The following MGAT5 variants were observed in gnomAD, a reference collection of about 807,000 sequenced individuals.
MGAT5 encodes the protein alpha-1,6-mannosylglycoprotein 6-beta-N-acetylglucosaminyltransferase A.
MGAT5 carries 30 observed loss-of-function variants against 94.3 expected under a neutral mutation model. That is an observed-to-expected ratio of 0.32 (90% CI 0.24 to 0.43). The LOEUF is 0.43. Ranked by LOEUF, MGAT5 falls within the 20% of genes least tolerant of loss-of-function variation. The pLI, the probability that MGAT5 is intolerant of heterozygous loss-of-function variation, is 1.00. For synonymous variants in MGAT5, 310 were observed against 322.9 expected (o/e 0.96, Z 0.43); for missense variants, 691 against 905.5 (o/e 0.76, Z 3.04).
At chr2:134,412,478 T>A (rs534989487) in intron 11 of MGAT5, among the ~76,000 whole-genome samples, 1 of 152,192 alleles carries the variant, frequency 6.6e-6, no homozygotes, top group African/African-American at 2.4e-5. Context: ...ACCTTCTGTG[T>A]AGTTAAGCAA....
intron 1 of MGAT5, among the ~76,000 whole-genome samples, chr2:134,142,063 C>T (rs1037719334): frequency 2.0e-5 from 3 of 152,066 alleles, no homozygotes; most frequent in African/African-American, 7.2e-5. Context: ...TGAAGTGGAG[C>T]GAGTGAGGAG....
At chr2:134,436,297 G>A (rs1394312736) in intron 14 of MGAT5, among the ~76,000 whole-genome samples, 1 of 152,180 alleles carries the variant, frequency 6.6e-6, no homozygotes, top group African/African-American at 2.4e-5. Context: ...CCTCTGTTCA[G>A]TGTGATCATC....
chr2:134,414,961 C>G (rs533462889), intron 12 of MGAT5, among the ~76,000 whole-genome samples: 1 of 152,154 alleles, frequency 6.6e-6, no homozygotes, highest in African/African-American at 2.4e-5. Flanking sequence ...ATGGGATTTC[C>G]TTCTTTTGCA....
At chr2:134,164,131 A>G (rs1401618201) in intron 1 of MGAT5, among the ~76,000 whole-genome samples, 3 of 152,186 alleles carry the variant, frequency 2.0e-5, no homozygotes, top group Non-Finnish European at 4.4e-5. Context: ...ATTGTATTCT[A>G]GGGTCCTTCC....
intron 6 of MGAT5, among the ~76,000 whole-genome samples, chr2:134,339,742 CAAAAACT>C (rs2105996151): frequency 6.6e-6 from 1 of 152,060 alleles, no homozygotes; most frequent in Non-Finnish European, 1.5e-5. Flanking sequence ...ATGTTATTAC[CAAAAACT>C]AAAAATTAAA....
chr2:134,184,389 C>A (rs1688895042), intron 1 of MGAT5, among the ~76,000 whole-genome samples: 1 of 152,144 alleles, frequency 6.6e-6, no homozygotes, highest in South Asian at 2.1e-4. Flanking sequence ...GGAAGGGTAC[C>A]CTTGAGTGTG....
chr2:134,403,278 A>G, intron 11 of MGAT5, 141 bp downstream of exon 11: 1 of 755,324 alleles, frequency 1.3e-6, no homozygotes, highest in Non-Finnish European at 2.0e-6. Flanking sequence ...GACCAATGGC[A>G]GCTGAAAAGT....
chr2:134,238,490 T>C (rs1195068526), intron 1 of MGAT5, among the ~76,000 whole-genome samples: 3 of 152,218 alleles, frequency 2.0e-5, no homozygotes, highest in Admixed American at 6.5e-5. Flanking sequence ...TTTCCCCATC[T>C]CATCATGTCT....
intron 9 of MGAT5, among the ~76,000 whole-genome samples, chr2:134,350,148 G>A (rs1450613776): frequency 6.6e-6 from 1 of 151,794 alleles, no homozygotes; most frequent in Non-Finnish European, 1.5e-5. Flanking sequence ...TTTTTGAAAA[G>A]CCTTGAAAAT....
intron 10 of MGAT5, among the ~76,000 whole-genome samples, chr2:134,368,454 A>G (rs576247503): frequency 9.8e-5 from 15 of 152,336 alleles, no homozygotes; most frequent in African/African-American, 3.6e-4. Context: ...CTGAATTTGA[A>G]AAGTTCCTTT....
At chr2:134,444,742 T>G (rs1685677304) in intron 15 of MGAT5, among the ~76,000 whole-genome samples, 1 of 152,238 alleles carries the variant, frequency 6.6e-6, no homozygotes, top group Non-Finnish European at 1.5e-5. Context: ...TAGTATGACT[T>G]TAGTATATCA....
intron 8 of MGAT5, among the ~76,000 whole-genome samples, chr2:134,347,246 A>G (rs1208044636): frequency 6.6e-6 from 1 of 152,196 alleles, no homozygotes; most frequent in Non-Finnish European, 1.5e-5. Flanking sequence ...AATTAAACCT[A>G]GATAAGCTAG....
At chr2:134,238,331 G>A (rs903209089) in intron 1 of MGAT5, among the ~76,000 whole-genome samples, 3 of 152,136 alleles carry the variant, frequency 2.0e-5, no homozygotes, top group Non-Finnish European at 2.9e-5. Context: ...TAAGGATCAC[G>A]GTCCATAATT....
intron 14 of MGAT5, among the ~76,000 whole-genome samples, chr2:134,441,405 A>G (rs1481298426): frequency 1.3e-5 from 2 of 152,250 alleles, no homozygotes; most frequent in Admixed American, 6.5e-5. Flanking sequence ...GAGGCTCTAA[A>G]TAGCCTGGCT....
In MGAT5 at chr2:134,450,908, G is replaced by A. The variant is rs1266452161; in HGVS notation, c.*2061G>A. 1 of 152,072 alleles carries A rather than the reference G, an allele frequency of 6.6e-6. No individual in the cohort carries two copies. The highest frequency in any genetic ancestry group is 6.6e-5 in the Admixed American group (1 of 15,254). The allele number at this position is 152,072 out of a possible 1,614,324, so 9.4% of individuals were successfully genotyped here. Reference sequence around the variant, plus strand: ...CAGATGACTGGCATCCTTGCTGTAAGGAAGAGCTTTTTCCTTGTGAATGGG... The same window carrying A: ...CAGATGACTGGCATCCTTGCTGTAAAGAAGAGCTTTTTCCTTGTGAATGGG... On this transcript the variant is annotated 3_prime_UTR_variant, in exon 16 of 16. Transcript: ENST00000281923.
intron 1 of MGAT5, among the ~76,000 whole-genome samples, chr2:134,179,460 A>C (rs1688632541): frequency 6.6e-6 from 1 of 152,212 alleles, no homozygotes; most frequent in Admixed American, 6.5e-5. Context: ...GCGGGTACCC[A>C]ACCCTGTATC....
intron 1 of MGAT5, among the ~76,000 whole-genome samples, chr2:134,176,153 G>C (rs878900903): frequency 1.3e-5 from 2 of 152,138 alleles, no homozygotes; most frequent in Admixed American, 6.5e-5. Flanking sequence ...GCTGAAGGGG[G>C]TTGCTGGGCC....
chr2:134,247,697 C>T (rs1193641133), intron 1 of MGAT5, among the ~76,000 whole-genome samples: 2 of 152,174 alleles, frequency 1.3e-5, no homozygotes, highest in Non-Finnish European at 2.9e-5. Flanking sequence ...GTTGCTCACC[C>T]CTACTCCTGT....
chr2:134,316,635 T>TA (rs1225996223), intron 2 of MGAT5, among the ~76,000 whole-genome samples: 8 of 152,196 alleles, frequency 5.3e-5, no homozygotes, highest in Non-Finnish European at 8.8e-5. Context: ...TTGTGATACA[T>TA]AAAATGTACG....
Sources: allele counts gnomAD v4.1 joint callset (sites outside exome capture counted in the v4.1 genomes callset), GRCh38; gene constraint gnomAD v4.1.1; transcripts MANE v1.5; gene names NCBI Gene and HGNC (gene_info 2026-07-23, HGNC 2026-07-21).